Variants in ALDH1A2 observed in about 807,000 individuals in gnomAD.
The protein encoded by ALDH1A2 is aldehyde dehydrogenase 1 family member A2, also known as retinal dehydrogenase 2.
ALDH1A2 carries 27 observed loss-of-function variants against 60.3 expected under a neutral mutation model. That is an observed-to-expected ratio of 0.45 (90% CI 0.33 to 0.62). The LOEUF (loss-of-function observed/expected upper bound fraction) is 0.62, where lower values mean the gene tolerates loss of function less well. Ranked by LOEUF, ALDH1A2 falls within the 20% of genes least tolerant of loss-of-function variation. ALDH1A2 has a pLI of 0.02. For missense variants in ALDH1A2, 581 were observed against 643.8 expected, an observed-to-expected ratio of 0.90 and a Z score of 1.06; for synonymous variants, 289 against 232.4, an observed-to-expected ratio of 1.24 and a Z score of -2.21.
intron 7 of ALDH1A2, among the ~76,000 whole-genome samples, chr15:57,968,966 A>T (rs951209555): frequency 3.3e-5 from 5 of 151,696 alleles, no homozygotes; most frequent in African/African-American, 1.2e-4. Flanking sequence ...TTCCTTAGAA[A>T]ACAAATTTGT....
At chr15:58,034,055 T>C (rs773919565) in intron 1 of ALDH1A2, among the ~76,000 whole-genome samples, 8 of 151,754 alleles carry the variant, frequency 5.3e-5, no homozygotes, top group East Asian at 1.9e-4. Context: ...TGGGATTGCA[T>C]TGAATCTACA....
At chr15:58,004,456 T>C (rs1895380218) in intron 4 of ALDH1A2, among the ~76,000 whole-genome samples, 1 of 151,724 alleles carries the variant, frequency 6.6e-6, no homozygotes, top group African/African-American at 2.4e-5. Flanking sequence ...CAGGTAGTTT[T>C]CAATCCTCAG....
intron 1 of ALDH1A2, among the ~76,000 whole-genome samples, chr15:58,056,446 G>A (rs1355617259): frequency 6.6e-6 from 1 of 151,914 alleles, no homozygotes; most frequent in Admixed American, 6.6e-5. Context: ...AATTCTAGGA[G>A]GTAAAGACAG....
intron 7 of ALDH1A2, among the ~76,000 whole-genome samples, chr15:57,969,940 A>G (rs1354393861): frequency 6.6e-6 from 1 of 152,194 alleles, no homozygotes; most frequent in Non-Finnish European, 1.5e-5. Flanking sequence ...CTGGCTTCTA[A>G]TGAATCTTCA....
chr15:57,987,431 T>G (rs1894741247), intron 7 of ALDH1A2, among the ~76,000 whole-genome samples: 1 of 152,136 alleles, frequency 6.6e-6, no homozygotes, highest in Non-Finnish European at 1.5e-5. Context: ...GAAACATTAC[T>G]TACCGTAAAA....
chr15:57,983,172 C>G (rs1894572698), intron 7 of ALDH1A2, among the ~76,000 whole-genome samples: 1 of 152,152 alleles, frequency 6.6e-6, no homozygotes, highest in Admixed American at 6.5e-5. Context: ...TGAAAGGAAA[C>G]AGTGAAACCT....
chr15:57,961,431 C>T, intron 10 of ALDH1A2, 137 bp from the exon 11 acceptor site: 1 of 1,087,070 alleles, frequency 9.2e-7, no homozygotes, highest in Admixed American at 2.0e-5. Context: ...TAAAATCTCC[C>T]AACCTTTCCT....
chr15:58,019,846 G>C (rs1452801649), intron 1 of ALDH1A2, among the ~76,000 whole-genome samples: 1 of 152,078 alleles, frequency 6.6e-6, no homozygotes, highest in African/African-American at 2.4e-5. Context: ...TTTAAGTTCT[G>C]GGATACATGT....
chr15:57,976,948 C>T (rs942814857), intron 7 of ALDH1A2, among the ~76,000 whole-genome samples: 5 of 152,116 alleles, frequency 3.3e-5, no homozygotes, highest in East Asian at 1.9e-4. Flanking sequence ...TTTTAATGAT[C>T]GCCATTCTAA....
At chr15:57,966,133 T>G (rs1437175495) in intron 7 of ALDH1A2, among the ~76,000 whole-genome samples, 2 of 152,214 alleles carry the variant, frequency 1.3e-5, no homozygotes, top group African/African-American at 4.8e-5. Context: ...AAAATGTAAC[T>G]GGAGATTTCA....
intron 8 of ALDH1A2, among the ~76,000 whole-genome samples, chr15:57,965,348 T>C (rs1004221347): frequency 1.2e-4 from 19 of 152,198 alleles, no homozygotes; most frequent in Non-Finnish European, 1.3e-4. Flanking sequence ...TTATTTAAAA[T>C]GGTCTACCAG....
At chr15:58,049,311 G>A (rs1341951972) in intron 1 of ALDH1A2, among the ~76,000 whole-genome samples, 2 of 151,952 alleles carry the variant, frequency 1.3e-5, no homozygotes, top group Non-Finnish European at 2.9e-5. Context: ...ATTGCTAGAT[G>A]GTGTGACTTA....
chr15:58,025,418 T>G (rs1896053106), intron 1 of ALDH1A2, among the ~76,000 whole-genome samples: 1 of 152,158 alleles, frequency 6.6e-6, no homozygotes. Flanking sequence ...CTAGGGGAGA[T>G]GGATACATTC....
intron 1 of ALDH1A2, among the ~76,000 whole-genome samples, chr15:58,056,279 C>T (rs959943567): frequency 1.3e-5 from 2 of 152,042 alleles, no homozygotes; most frequent in Admixed American, 6.6e-5. Context: ...CTCCTATTTT[C>T]CCATTATAGA....
intron 7 of ALDH1A2, among the ~76,000 whole-genome samples, chr15:57,985,293 C>A (rs1314009111): frequency 3.3e-5 from 5 of 152,186 alleles, no homozygotes; most frequent in African/African-American, 1.2e-4. Context: ...CCAATTCACT[C>A]TACTTATCTA....
At chr15:58,021,016 A>G (rs1895911863) in intron 1 of ALDH1A2, among the ~76,000 whole-genome samples, 1 of 152,180 alleles carries the variant, frequency 6.6e-6, no homozygotes, top group South Asian at 2.1e-4. Flanking sequence ...AAAGCTTCCA[A>G]TTTTAGAGCC....
chr15:58,010,123 T>A (rs1895582386), intron 4 of ALDH1A2, among the ~76,000 whole-genome samples: 1 of 152,180 alleles, frequency 6.6e-6, no homozygotes, highest in Non-Finnish European at 1.5e-5. Flanking sequence ...GTTGTTTGTA[T>A]AGATTATGAA....
chr15:58,031,035 TCA>T (rs1896225064), intron 1 of ALDH1A2, among the ~76,000 whole-genome samples: 1 of 151,782 alleles, frequency 6.6e-6, no homozygotes, highest in Non-Finnish European at 1.5e-5. Context: ...AAACTAAAGT[TCA>T]CATAGAACCA....
At chr15:58,028,261 A>C (rs899484623) in intron 1 of ALDH1A2, among the ~76,000 whole-genome samples, 1 of 152,222 alleles carries the variant, frequency 6.6e-6, no homozygotes, top group Non-Finnish European at 1.5e-5. Context: ...TTCTTAAAGA[A>C]AAGAATTTTC....
Sources: gnomAD v4.1 joint callset for allele counts (sites outside exome capture counted in the v4.1 genomes callset) on GRCh38, gnomAD v4.1.1 for gene constraint, MANE v1.5 for transcripts, NCBI Gene and HGNC (gene_info 2026-07-23, HGNC 2026-07-21) for gene names.